The following SLC4A10 variants were observed in gnomAD, a reference collection of about 807,000 sequenced individuals.
The protein encoded by SLC4A10 is solute carrier family 4 member 10.
In SLC4A10, 42 loss-of-function variants were observed where a neutral mutation model predicts 137.7. That is an observed-to-expected ratio of 0.30 (90% CI 0.24 to 0.39). The LOEUF (loss-of-function observed/expected upper bound fraction) is 0.39, where lower values mean the gene tolerates loss of function less well. Among genes scored for constraint, SLC4A10 ranks in the 10% least tolerant of loss-of-function variants. The pLI is 1.00. For missense variants in SLC4A10, 925 were observed against 1,355.0 expected (o/e 0.68, Z 4.98); for synonymous variants, 474 against 464.1 (o/e 1.02, Z -0.27).
chr2:161,670,757 A>G (rs2039605915), intron 1 of SLC4A10, among the ~76,000 whole-genome samples: 1 of 152,024 alleles, frequency 6.6e-6, no homozygotes, highest in Admixed American at 6.6e-5. Flanking sequence ...CTGTCTCCAT[A>G]CTTTTTCTCA....
At chr2:161,927,352 A>G (rs62188857) in intron 15 of SLC4A10, among the ~76,000 whole-genome samples, 13,161 of 152,106 alleles carry the variant, frequency 0.087, 609 homozygotes, top group East Asian at 0.13. Context: ...TGATCACATC[A>G]GCTCCTGTGG....
At chr2:161,952,678 C>A (rs1242612106) in intron 19 of SLC4A10, among the ~76,000 whole-genome samples, 1 of 152,192 alleles carries the variant, frequency 6.6e-6, no homozygotes, top group Non-Finnish European at 1.5e-5. Context: ...CACTGTGAAT[C>A]TGAACTCTCC....
chr2:161,882,566 C>G, intron 10 of SLC4A10, 122 bp downstream of exon 10: 1 of 495,844 alleles, frequency 2.0e-6, no homozygotes, highest in Non-Finnish European at 3.5e-6. Context: ...CCCATTCTCC[C>G]ATGCTTCTGC....
At chr2:161,764,391 G>A (rs1429438545) in intron 1 of SLC4A10, among the ~76,000 whole-genome samples, 2 of 151,960 alleles carry the variant, frequency 1.3e-5, no homozygotes, top group Non-Finnish European at 2.9e-5. Context: ...TATTGGGAGA[G>A]GAAAGGAACA....
chr2:161,919,203 A>C (rs571344246), intron 15 of SLC4A10, among the ~76,000 whole-genome samples: 1 of 152,260 alleles, frequency 6.6e-6, no homozygotes, highest in African/African-American at 2.4e-5. Context: ...GATGGAGGCC[A>C]AGGTGGGGCT....
intron 5 of SLC4A10, among the ~76,000 whole-genome samples, chr2:161,859,594 C>CTTTTTT (rs72003642): frequency 4.5e-3 from 215 of 47,320 alleles, no homozygotes; most frequent in African/African-American, 9.6e-3. Context: ...CTTTTCTTTT[C>CTTTTTT]TTTTTTTTTT....
chr2:161,785,447 A>T (rs1335910912), intron 2 of SLC4A10, among the ~76,000 whole-genome samples: 1 of 151,854 alleles, frequency 6.6e-6, no homozygotes, highest in Non-Finnish European at 1.5e-5. Context: ...ATCTCTGATG[A>T]ACATAGATGC....
At chr2:161,938,185 C>T (rs1182617563) in intron 15 of SLC4A10, among the ~76,000 whole-genome samples, 1 of 152,120 alleles carries the variant, frequency 6.6e-6, no homozygotes, top group African/African-American at 2.4e-5. Flanking sequence ...GCACGAGAAT[C>T]GCTTGAACCT....
chr2:161,684,778 A>T lies in SLC4A10; in HGVS notation c.48+60212A>T, dbSNP rs997301583. 2.0e-5 allele frequency among the ~76,000 whole-genome samples: 3 copies of T among 152,312 alleles called. No individual in the cohort carries two copies. In the East Asian group the frequency reaches 5.8e-4, roughly 29 times the overall value. ...TGTGTTTTTGTTCTCACATCATGGA[A>T]AACATGGCTGGTGGATTTTCACAAA... is the stretch of plus-strand genomic sequence containing the variant. On this transcript the variant is annotated intron_variant, in intron 1 of 26. Coordinates refer to ENST00000446997, the MANE Select transcript of SLC4A10 (RefSeq NM_001178015.2).
In SLC4A10 at chr2:161,984,049, A is replaced by C. The variant is rs1036059258; in HGVS notation, c.*897A>C. 3.3e-5 allele frequency: 5 copies of C among 152,216 alleles called. No homozygotes were observed. Among genetic ancestry groups the C allele is most frequent in the Non-Finnish European group, 5.9e-5 (4 of 68,032 alleles). 9.4% of individuals were successfully genotyped at this position (152,216 alleles called of 1,614,324 possible). ...AAACATATTCTATACATACTTGTGG[A>C]ATGCCACATGGTGAATCATTGTATA... On this transcript the variant is annotated 3_prime_UTR_variant, in exon 27 of 27. Transcript: ENST00000446997.
Position 161,900,978 on chromosome 2 carries a change from G to C in SLC4A10, c.1409G>C (p.Gly470Ala). ...AAHGEAEPHGGHSGPELQRTG... is the reference protein window; with the variant it reads ...AAHGEAEPHGAHSGPELQRTG... ...CATGGGGAAGCAGAGCCCCACGGAG[G>C]ACATAGTGGACCTGAACTCCAGCGA... Residue 470 changes from glycine to alanine, a missense_variant, in exon 12 of 27, where the codon GGA becomes GCA. Gly to Ala is a moderately conservative substitution (Grantham distance 60). Transcript: ENST00000446997. 6.4e-7 allele frequency: 1 copy of C among 1,568,002 alleles called. No individual in the cohort carries two copies. The highest frequency in any genetic ancestry group is 1.2e-5 in the South Asian group (1 of 84,872).
At chr2:161,796,142 T>C (rs547348104) in intron 2 of SLC4A10, among the ~76,000 whole-genome samples, 1 of 152,320 alleles carries the variant, frequency 6.6e-6, no homozygotes, top group Non-Finnish European at 1.5e-5. Flanking sequence ...TTTTATATCC[T>C]GTCCATCTGT....
chr2:161,795,509 T>G (rs2054669474), intron 2 of SLC4A10, among the ~76,000 whole-genome samples: 1 of 152,090 alleles, frequency 6.6e-6, no homozygotes. Flanking sequence ...ATCTATCACC[T>G]CCCAAAGCTT....
At chr2:161,718,364 C>A (rs150781860) in intron 1 of SLC4A10, among the ~76,000 whole-genome samples, 125 of 152,068 alleles carry the variant, frequency 8.2e-4, no homozygotes, top group Non-Finnish European at 1.5e-3. Context: ...TCTTGGTTCT[C>A]TGTAAATAGT....
At chr2:161,885,176 T>A (rs1344256435) in intron 10 of SLC4A10, among the ~76,000 whole-genome samples, 1 of 151,596 alleles carries the variant, frequency 6.6e-6, no homozygotes, top group African/African-American at 2.4e-5. Flanking sequence ...AGACTCTGTC[T>A]CAAAAATAAA....
At chr2:161,722,660 A>G (rs959512307) in intron 1 of SLC4A10, among the ~76,000 whole-genome samples, 2 of 152,150 alleles carry the variant, frequency 1.3e-5, no homozygotes, top group Admixed American at 6.5e-5. Context: ...GCATGGGATC[A>G]GGGACTCACT....
chr2:161,646,209 C>G (rs542224268), intron 1 of SLC4A10, among the ~76,000 whole-genome samples: 1 of 151,986 alleles, frequency 6.6e-6, no homozygotes, highest in African/African-American at 2.4e-5. Context: ...GATTCAGAAT[C>G]AGGCTAGAGA....
chr2:161,672,383 C>A (rs1365160827), intron 1 of SLC4A10, among the ~76,000 whole-genome samples: 1 of 151,926 alleles, frequency 6.6e-6, no homozygotes, highest in Non-Finnish European at 1.5e-5. Flanking sequence ...AATGAAGTGA[C>A]AAAATACTCC....
At chr2:161,892,072 A>G (rs1265131329) in intron 10 of SLC4A10, among the ~76,000 whole-genome samples, 1 of 152,190 alleles carries the variant, frequency 6.6e-6, no homozygotes, top group East Asian at 1.9e-4. Flanking sequence ...TGATAGGGAA[A>G]CAATAGTAAG....
Sources: gnomAD v4.1 joint callset for allele counts (sites outside exome capture counted in the v4.1 genomes callset) on GRCh38, gnomAD v4.1.1 for gene constraint, MANE v1.5 for transcripts, NCBI Gene and HGNC (gene_info 2026-07-23, HGNC 2026-07-21) for gene names.